The following AGBL3 variants were observed in gnomAD, a reference collection of about 807,000 sequenced individuals.
The protein encoded by AGBL3 is AGBL carboxypeptidase 3.
A neutral mutation model predicts 94.5 loss-of-function variants in AGBL3; 68 were observed. The ratio of observed to expected loss-of-function variants is 0.72; its 90% CI spans 0.59 to 0.88. The LOEUF (loss-of-function observed/expected upper bound fraction) is 0.88, where lower values mean the gene tolerates loss of function less well. Among genes scored for constraint, AGBL3 ranks in the 40% least tolerant of loss-of-function variants. The probability of loss-of-function intolerance (pLI) is 0.00; values close to 1 mark genes in which losing one functional copy is unlikely to be tolerated. For synonymous variants in AGBL3, 354 were observed against 370.7 expected, an observed-to-expected ratio of 0.95 and a Z score of 0.52; for missense variants, 934 against 1,103.8, an observed-to-expected ratio of 0.85 and a Z score of 2.18.
chr7:135,000,611 A>G (rs998252800), intron 4 of AGBL3, among the ~76,000 whole-genome samples: 1 of 152,202 alleles, frequency 6.6e-6, no homozygotes, highest in Admixed American at 6.5e-5. Context: ...GTATATACGC[A>G]TATGTGTATA....
rs1563212038 is a variant in AGBL3 at position 135,044,283 on chromosome 7, T to C, written c.1627+132T>C. On this transcript the variant is annotated intron_variant, in intron 9 of 16. Coordinates refer to ENST00000436302, the MANE Select transcript of AGBL3 (RefSeq NM_178563.4). ...TAATACTAATATTTAATCAATTCTATAAACAGGATGAATAAACTCTCAAAA... is the reference window on the plus strand; with the variant it reads ...TAATACTAATATTTAATCAATTCTACAAACAGGATGAATAAACTCTCAAAA... 17 of 900,630 alleles carry C rather than the reference T, an allele frequency of 1.9e-5. No individual in the cohort carries two copies. In the East Asian group the frequency reaches 6.0e-4, roughly 32 times the overall value. 55.8% of individuals were successfully genotyped at this position (900,630 alleles called of 1,614,324 possible).
chr7:135,069,972 T>G (rs1273417425), intron 12 of AGBL3, among the ~76,000 whole-genome samples: 4 of 152,020 alleles, frequency 2.6e-5, no homozygotes, highest in African/African-American at 9.7e-5. Context: ...ATTGATAGAC[T>G]GCTAGCAAGA....
At chr7:135,124,220 C>CAAA (rs369396148) in intron 16 of AGBL3, among the ~76,000 whole-genome samples, 8 of 138,220 alleles carry the variant, frequency 5.8e-5, no homozygotes, top group African/African-American at 1.1e-4. Flanking sequence ...AAATGGAAAG[C>CAAA]AAAAAAAAAA....
At chr7:135,099,512 A>G (rs1372589732) in intron 15 of AGBL3, among the ~76,000 whole-genome samples, 2 of 152,184 alleles carry the variant, frequency 1.3e-5, no homozygotes, top group East Asian at 1.9e-4. Flanking sequence ...TTTATGGTAT[A>G]TTCTCTTTTT....
intron 16 of AGBL3, among the ~76,000 whole-genome samples, chr7:135,123,612 T>C (rs1585248765): frequency 6.6e-6 from 1 of 151,768 alleles, no homozygotes; most frequent in South Asian, 2.1e-4. Context: ...AAGGTCAAAA[T>C]GAAGGAAAAA....
At chr7:135,055,612 C>G (rs1472891699) in intron 11 of AGBL3, among the ~76,000 whole-genome samples, 2 of 152,040 alleles carry the variant, frequency 1.3e-5, no homozygotes, top group African/African-American at 4.8e-5. Context: ...GGAATAAATC[C>G]TATTTGGTCA....
Position 135,129,191 on chromosome 7 carries a change from C to T in AGBL3, c.2343-5650C>T, listed in dbSNP as rs1828375632. The T allele has an allele frequency of 3.5e-6, 5 of 1,423,716 alleles. No homozygotes were observed. In the South Asian group the frequency reaches 4.6e-5, roughly 13 times the overall value. 88.2% of individuals were successfully genotyped at this position (1,423,716 alleles called of 1,614,324 possible). ...TGGACCTGATGGCAGATGTGGTGTA[C>T]TGCCCCCACGCATGCTGCCAGCTGC... On this transcript the variant is annotated intron_variant, in intron 16 of 16. Transcript: ENST00000436302.
intron 4 of AGBL3, among the ~76,000 whole-genome samples, chr7:135,016,335 T>C (rs1024886926): frequency 2.0e-5 from 3 of 152,174 alleles, no homozygotes; most frequent in African/African-American, 4.8e-5. Flanking sequence ...TTGATCCCTA[T>C]TGATAATGTC....
intron 15 of AGBL3, 92 bp downstream of exon 15, chr7:135,081,882 C>T: frequency 1.2e-6 from 1 of 820,486 alleles, no homozygotes; most frequent in Non-Finnish European, 1.8e-6. Flanking sequence ...ACAGGGGAAA[C>T]AGTAGAAATT....
At position 135,017,063 on chromosome 7, in the gene AGBL3, T is replaced by C; in HGVS notation, c.322T>C (p.Ser108Pro). The change falls in exon 5 of 17, where the codon TCT (serine) becomes CCT (proline). Residue 108 changes from serine (S) to proline (P), a missense_variant. Transcript: ENST00000436302. ...ACTTTTTTTTCCAGATTGGACTCCTTCTTGTCCTGAGCCAGTGTATATCCC... is the reference window on the plus strand; with the variant it reads ...ACTTTTTTTTCCAGATTGGACTCCTCCTTGTCCTGAGCCAGTGTATATCCC... ...EKVQHIDWTPSCPEPVYIPTG... is the reference protein window; with the variant it reads ...EKVQHIDWTPPCPEPVYIPTG... 6.5e-7 allele frequency: 1 copy of C among 1,544,766 alleles called. No homozygotes were observed. Among genetic ancestry groups the C allele is most frequent in the Middle Eastern group, 1.7e-4 (1 of 5,974 alleles).
At chr7:135,088,133 C>T (rs993632513) in intron 15 of AGBL3, among the ~76,000 whole-genome samples, 4 of 152,136 alleles carry the variant, frequency 2.6e-5, no homozygotes, top group African/African-American at 9.6e-5. Flanking sequence ...AGTATAGATA[C>T]TTCTGCTCAC....
At chr7:135,071,296 A>G (rs1819883175) in intron 12 of AGBL3, among the ~76,000 whole-genome samples, 1 of 152,002 alleles carries the variant, frequency 6.6e-6, no homozygotes, top group Non-Finnish European at 1.5e-5. Flanking sequence ...GTAAATTTTC[A>G]CCATTTTCAT....
chr7:135,038,683 C>T (rs965135039), intron 8 of AGBL3, among the ~76,000 whole-genome samples: 6 of 152,166 alleles, frequency 3.9e-5, no homozygotes, highest in Admixed American at 6.6e-5. Context: ...CTTTTTGGGC[C>T]AGACGTGGTG....
intron 11 of AGBL3, among the ~76,000 whole-genome samples, chr7:135,050,339 G>T (rs1246414383): frequency 6.6e-6 from 1 of 151,964 alleles, no homozygotes; most frequent in Non-Finnish European, 1.5e-5. Flanking sequence ...AGATGTGCTT[G>T]AGAAGACCAT....
intron 15 of AGBL3, among the ~76,000 whole-genome samples, chr7:135,099,639 A>G (rs908688155): frequency 1.3e-5 from 2 of 152,044 alleles, no homozygotes; most frequent in Non-Finnish European, 2.9e-5. Flanking sequence ...GTCTTATAAG[A>G]TTTTGATTTT....
intron 15 of AGBL3, among the ~76,000 whole-genome samples, chr7:135,083,354 A>C (rs1042659094): frequency 2.6e-5 from 4 of 152,186 alleles, no homozygotes; most frequent in African/African-American, 9.6e-5. Context: ...CAGTCATCTA[A>C]CAGGGGTTGG....
rs1031511087 is a variant in AGBL3, at chr7:135,045,527, C to G, written c.1681C>G (p.His561Asp). 4 of 1,551,058 alleles carry G rather than the reference C, an allele frequency of 2.6e-6. No homozygotes were observed. The African/African-American group carries it at 5.5e-5, about 21-fold the overall frequency. The change falls in exon 10 of 17, where the codon CAT becomes GAT. Residue 561 changes from histidine to aspartate, a missense_variant. Around this residue, in one of 3 missense-constraint regions of AGBL3, gnomAD observed 441 missense variants for 518.2 expected, o/e 0.85. Coordinates refer to ENST00000436302, the MANE Select transcript of AGBL3 (RefSeq NM_178563.4). ...GAAAGACCTGGAATCAATGGGATATCATTTTTGTGATTCTCTCTTGGATTA... is the reference window on the plus strand; with the variant it reads ...GAAAGACCTGGAATCAATGGGATATGATTTTTGTGATTCTCTCTTGGATTA... Reference protein sequence around the residue: ...STKDLESMGYHFCDSLLDYCD... With the variant: ...STKDLESMGYDFCDSLLDYCD...
rs559027275 is a variant in AGBL3, at chr7:135,069,512, G to T, written c.1909-6885G>T. Among the ~76,000 whole-genome samples, 149 of 151,926 alleles carry T rather than the reference G, an allele frequency of 9.8e-4. 1 individual carries two copies. Among genetic ancestry groups the T allele is most frequent in the South Asian group, 8.1e-3 (39 of 4,792 alleles). On this transcript the variant is annotated intron_variant, in intron 12 of 16. Transcript: ENST00000436302. ...TCAGCAAATGTAAAAGAACAGAAAT[G>T]ATAACAAACTGTCTCTCAGACCACA...
chr7:135,043,968 C>T, intron 8 of AGBL3, 57 bp from the exon 9 acceptor site: 1 of 1,512,142 alleles, frequency 6.6e-7, no homozygotes. Flanking sequence ...ATACTACTTT[C>T]AAAAAAAGAT....
Sources: gnomAD v4.1 joint callset for allele counts (sites outside exome capture counted in the v4.1 genomes callset) on GRCh38, gnomAD v4.1.1 for gene constraint, gnomAD v4.1.1 regional missense constraint, MANE v1.5 for transcripts, NCBI Gene and HGNC (gene_info 2026-07-23, HGNC 2026-07-21) for gene names.